Variants in HECW1 observed in about 807,000 individuals in gnomAD.
HECW1 encodes the protein HECT, C2 and WW domain containing E3 ubiquitin protein ligase 1, also known as E3 ubiquitin-protein ligase HECW1.
In HECW1, 61 loss-of-function variants were observed where a neutral mutation model predicts 182.3. That is an observed-to-expected ratio of 0.33 (90% CI 0.27 to 0.41). The LOEUF (loss-of-function observed/expected upper bound fraction) is 0.41. Ranked by LOEUF, HECW1 falls within the 10% of genes least tolerant of loss-of-function variation. The pLI is 1.00. For synonymous variants in HECW1, 859 were observed against 832.6 expected (o/e 1.03, Z -0.55); for missense variants, 1,739 against 2,108.9 (o/e 0.82, Z 3.44).
intron 7 of HECW1, among the ~76,000 whole-genome samples, chr7:43,398,973 G>C (rs1260082730): frequency 1.3e-5 from 2 of 152,228 alleles, no homozygotes; most frequent in Non-Finnish European, 2.9e-5. Flanking sequence ...GGTGCCAGCT[G>C]ATCCATCAAG....
chr7:43,515,857 G>T (rs17208912), intron 24 of HECW1, among the ~76,000 whole-genome samples: 1 of 152,054 alleles, frequency 6.6e-6, no homozygotes, highest in African/African-American at 2.4e-5. Flanking sequence ...TAAAATGCTC[G>T]CATATTTTGA....
intron 5 of HECW1, among the ~76,000 whole-genome samples, chr7:43,343,924 T>C (rs1247414446): frequency 1.6e-4 from 24 of 151,934 alleles, no homozygotes; most frequent in East Asian, 1.3e-3. Context: ...ATCTGTTGTT[T>C]CCTGACCTTT....
At chr7:43,179,411 A>C (rs1562637928) in intron 2 of HECW1, among the ~76,000 whole-genome samples, 1 of 152,210 alleles carries the variant, frequency 6.6e-6, no homozygotes. Flanking sequence ...CTTCAGTAGA[A>C]GTTCTTTGTG....
Position 43,445,550 on chromosome 7 carries a change from G to A in HECW1, c.2378G>A (p.Gly793Asp), listed in dbSNP as rs1471096750. 1 of 1,596,638 alleles carries A rather than the reference G, an allele frequency of 6.3e-7. No homozygotes were observed. Among genetic ancestry groups the A allele is most frequent in the Non-Finnish European group, 8.6e-7 (1 of 1,168,414 alleles). The part of the protein sequence containing the change: ...SPEGLESPVA[G>D]PSNRREGECP... ...GAAGGTCTGGAATCCCCCGTGGCAG[G>A]TCCAAGCAATCGGAGAGAAGGTTAG... The change falls in exon 11 of 30, where the codon GGT becomes GAT. Residue 793 changes from glycine to aspartate, a missense_variant. Physicochemically the swap from Gly to Asp is moderately conservative, Grantham distance 94. Around this residue, in one of 5 missense-constraint regions of HECW1, gnomAD observed 971 missense variants for 1,029.1 expected, o/e 0.94. Coordinates refer to ENST00000395891, the MANE Select transcript of HECW1 (RefSeq NM_015052.5).
intron 3 of HECW1, among the ~76,000 whole-genome samples, chr7:43,308,001 A>G (rs1038860362): frequency 1.2e-4 from 15 of 125,536 alleles, no homozygotes; most frequent in African/African-American, 4.6e-4. Flanking sequence ...AATATATAAT[A>G]TATAATATAC....
chr7:43,417,599 A>G (rs1234321296), intron 8 of HECW1, among the ~76,000 whole-genome samples: 8 of 152,116 alleles, frequency 5.3e-5, no homozygotes, highest in Non-Finnish European at 7.4e-5. Flanking sequence ...GAGGTGGCAC[A>G]CACCTACAAT....
intron 2 of HECW1, among the ~76,000 whole-genome samples, chr7:43,162,639 C>T (rs1441824771): frequency 6.6e-6 from 1 of 152,170 alleles, no homozygotes; most frequent in Non-Finnish European, 1.5e-5. Context: ...TTTTGGAGGC[C>T]CACCATTCAT....
intron 5 of HECW1, among the ~76,000 whole-genome samples, chr7:43,327,650 C>T (rs1046822973): frequency 6.6e-6 from 1 of 152,058 alleles, no homozygotes; most frequent in Non-Finnish European, 1.5e-5. Context: ...CTTTAAAATC[C>T]CAAAAGAATT....
At position 43,444,385 on chromosome 7, in the gene HECW1, C is replaced by A. The variant is rs767183351; in HGVS notation, c.1213C>A (p.Pro405Thr). 2.5e-6 allele frequency: 4 copies of A among 1,613,906 alleles called. No individual in the cohort carries two copies. Among genetic ancestry groups the A allele is most frequent in the Admixed American group, 3.3e-5 (2 of 60,002 alleles). ...GGGTGAGGGCAGTGTCCCCGATGGT[C>A]CAGGGAACCAAAGCATAGAGCTTTC... Reference protein sequence around the residue: ...QLGEGSVPDGPGNQSIELSRP... With the variant: ...QLGEGSVPDGTGNQSIELSRP... The change falls in exon 11 of 30, where the codon CCA becomes ACA. Residue 405 changes from proline (P) to threonine (T), a missense_variant. Transcript: ENST00000395891. This position sits in a 1 kb window ranked among gnomAD's most constrained non-coding sequence, Gnocchi z 4.3.
At chr7:43,403,282 C>A (rs1231778122) in intron 7 of HECW1, among the ~76,000 whole-genome samples, 1 of 152,158 alleles carries the variant, frequency 6.6e-6, no homozygotes, top group Non-Finnish European at 1.5e-5. Context: ...TACATAATGT[C>A]TTCAACAAAG....
chr7:43,145,762 G>A (rs1788642385), intron 2 of HECW1, among the ~76,000 whole-genome samples: 1 of 152,156 alleles, frequency 6.6e-6, no homozygotes, highest in South Asian at 2.1e-4. Flanking sequence ...GAGAAACAGA[G>A]CACTAAATCA....
chr7:43,355,959 A>G (rs1815073894), intron 5 of HECW1, among the ~76,000 whole-genome samples: 1 of 152,128 alleles, frequency 6.6e-6, no homozygotes, highest in Non-Finnish European at 1.5e-5. Context: ...ACTGCATTCT[A>G]GCCTGGCAAC....
chr7:43,523,735 C>T (rs962826372), intron 24 of HECW1, among the ~76,000 whole-genome samples: 1 of 151,892 alleles, frequency 6.6e-6, no homozygotes, highest in Non-Finnish European at 1.5e-5. Flanking sequence ...AGAGAGGCGC[C>T]GAAAGCAAGA....
intron 8 of HECW1, among the ~76,000 whole-genome samples, chr7:43,423,477 G>A (rs2076260672): frequency 6.6e-6 from 1 of 152,182 alleles, no homozygotes; most frequent in South Asian, 2.1e-4. Flanking sequence ...GAGACTCAGA[G>A]ACACACTGTT....
At chr7:43,156,075 T>A (rs1163107525) in intron 2 of HECW1, among the ~76,000 whole-genome samples, 1 of 152,240 alleles carries the variant, frequency 6.6e-6, no homozygotes, top group African/African-American at 2.4e-5. Context: ...GGGAAATAAA[T>A]TCTACCAATT....
intron 3 of HECW1, among the ~76,000 whole-genome samples, chr7:43,271,544 A>G (rs1020059385): frequency 1.3e-5 from 2 of 152,236 alleles, no homozygotes; most frequent in Admixed American, 1.3e-4. Flanking sequence ...AAAAATCAGT[A>G]GCATTTCTAT....
At chr7:43,350,280 C>G (rs1055184721) in intron 5 of HECW1, among the ~76,000 whole-genome samples, 2 of 152,202 alleles carry the variant, frequency 1.3e-5, no homozygotes, top group African/African-American at 4.8e-5. Flanking sequence ...GTGCTTCTAT[C>G]TCACAGACCT....
chr7:43,271,739 T>C (rs1407711269), intron 3 of HECW1, among the ~76,000 whole-genome samples: 1 of 152,172 alleles, frequency 6.6e-6, no homozygotes, highest in Non-Finnish European at 1.5e-5. Context: ...GCTCGTGGAT[T>C]GAAAGAATCA....
intron 17 of HECW1, among the ~76,000 whole-genome samples, chr7:43,488,434 G>GAAAGAAAA (rs1554440499): frequency 1.1e-5 from 1 of 93,082 alleles, no homozygotes; most frequent in African/African-American, 4.4e-5. Flanking sequence ...AAGAAAGAAA[G>GAAAGAAAA]AGAAAGAAAG....
Sources: allele counts gnomAD v4.1 joint callset (sites outside exome capture counted in the v4.1 genomes callset), GRCh38; gene constraint gnomAD v4.1.1; regional missense constraint gnomAD v4.1.1; non-coding constraint Gnocchi (gnomAD v3.1); transcripts MANE v1.5; gene names NCBI Gene and HGNC (gene_info 2026-07-23, HGNC 2026-07-21).